Variants in SLC8A1 observed in about 807,000 individuals in gnomAD.
The protein encoded by SLC8A1 is sodium/calcium exchanger 1.
Under a neutral mutation model 68.3 loss-of-function variants are expected in SLC8A1, and 18 were observed. The ratio of observed to expected loss-of-function variants is 0.26; its 90% CI spans 0.18 to 0.39. The LOEUF (loss-of-function observed/expected upper bound fraction) is 0.39. Ranked by LOEUF, SLC8A1 falls within the 10% of genes least tolerant of loss-of-function variation. The pLI is 1.00. For synonymous variants in SLC8A1, 475 were observed against 415.5 expected (o/e 1.14, Z -1.74); for missense variants, 985 against 1,156.7 (o/e 0.85, Z 2.15).
chr2:40,371,482 C>T (rs1014091061), intron 2 of SLC8A1, among the ~76,000 whole-genome samples: 1 of 151,998 alleles, frequency 6.6e-6, no homozygotes, highest in Admixed American at 6.6e-5. Flanking sequence ...TACAATGTTA[C>T]CAAGGCTCAG....
intron 2 of SLC8A1, among the ~76,000 whole-genome samples, chr2:40,235,252 T>C (rs1034214865): frequency 8.5e-5 from 13 of 152,204 alleles, no homozygotes; most frequent in Non-Finnish European, 1.6e-4. Flanking sequence ...GTTGGTAAGC[T>C]ATTAATTATT....
chr2:40,128,865 G>T (rs2038724130), intron 7 of SLC8A1, among the ~76,000 whole-genome samples: 1 of 152,196 alleles, frequency 6.6e-6, no homozygotes, highest in Non-Finnish European at 1.5e-5. Flanking sequence ...GGTAAATTCT[G>T]ACACTATCAT....
chr2:40,145,584 C>T (rs968332768), intron 6 of SLC8A1, among the ~76,000 whole-genome samples: 1 of 152,202 alleles, frequency 6.6e-6, no homozygotes, highest in African/African-American at 2.4e-5. Flanking sequence ...AAATTCTACT[C>T]TCCTGTTACA....
intron 2 of SLC8A1, among the ~76,000 whole-genome samples, chr2:40,335,811 T>A (rs1665785187): frequency 6.6e-6 from 1 of 152,228 alleles, no homozygotes; most frequent in Non-Finnish European, 1.5e-5. Context: ...TCTGGCTCTA[T>A]GTGAATACAG....
chr2:40,174,595 ACAC>A, intron 4 of SLC8A1, 108 bp downstream of exon 6: 1 of 1,009,830 alleles, frequency 9.9e-7, no homozygotes, highest in Non-Finnish European at 1.5e-6. Context: ...CAGCAAGAGC[ACAC>A]CATGTGCCAC....
exon 8 of SLC8A1, chr2:40,112,115 TC>T (rs1174946882): frequency 3.9e-5 from 6 of 152,684 alleles, no homozygotes; most frequent in African/African-American, 1.4e-4. Context: ...TCTGTTTTTT[TC>T]TTTGGATGAT....
At chr2:40,378,343 T>C (rs1029474339) in intron 2 of SLC8A1, among the ~76,000 whole-genome samples, 1 of 151,806 alleles carries the variant, frequency 6.6e-6, no homozygotes, top group African/African-American at 2.4e-5. Context: ...TGGAAGAAAA[T>C]TGTTCCAGGC....
intron 2 of SLC8A1, among the ~76,000 whole-genome samples, chr2:40,183,584 C>A (rs2050048730): frequency 6.6e-6 from 1 of 152,192 alleles, no homozygotes; most frequent in African/African-American, 2.4e-5. Flanking sequence ...ATTGCAGAAT[C>A]ATAGGCTCCA....
At chr2:40,376,104 T>C (rs1169927452) in intron 2 of SLC8A1, among the ~76,000 whole-genome samples, 3 of 152,146 alleles carry the variant, frequency 2.0e-5, no homozygotes, top group Non-Finnish European at 4.4e-5. Context: ...AACCTAAAAT[T>C]TTCTTCTAGA....
intron 5 of SLC8A1, among the ~76,000 whole-genome samples, chr2:40,161,961 A>G (rs1178184450): frequency 6.6e-6 from 1 of 152,224 alleles, no homozygotes; most frequent in Non-Finnish European, 1.5e-5. Flanking sequence ...GCAAAATGCT[A>G]TCTAAAGGGC....
chr2:40,232,490 G>C (rs1333490870), intron 2 of SLC8A1, among the ~76,000 whole-genome samples: 1 of 151,676 alleles, frequency 6.6e-6, no homozygotes, highest in Non-Finnish European at 1.5e-5. Context: ...AAAGAGATTG[G>C]GGATTAGGGG....
exon 8 of SLC8A1, chr2:40,099,722 C>G (rs985303890): frequency 2.0e-5 from 3 of 151,962 alleles, no homozygotes; most frequent in African/African-American, 7.2e-5. Flanking sequence ...TATGGATTGA[C>G]TATTGTGCTT....
At chr2:40,387,237 T>C (rs1210376682) in intron 2 of SLC8A1, among the ~76,000 whole-genome samples, 2 of 151,472 alleles carry the variant, frequency 1.3e-5, no homozygotes, top group Non-Finnish European at 2.9e-5. Flanking sequence ...GGATATTTTG[T>C]TCCTCTTTGT....
chr2:40,410,158 G>A (rs1559563767), intron 2 of SLC8A1, among the ~76,000 whole-genome samples: 1 of 152,024 alleles, frequency 6.6e-6, no homozygotes, highest in African/African-American at 2.4e-5. Flanking sequence ...TGAAGTTTTA[G>A]ACAATAAATC....
chr2:40,219,875 AT>A (rs1162934399), intron 2 of SLC8A1, among the ~76,000 whole-genome samples: 643 of 27,742 alleles, frequency 0.023, 9 homozygotes, highest in African/African-American at 0.052. Flanking sequence ...CTACTATAGG[AT>A]TTTTTTTTTT....
At chr2:40,390,158 G>A (rs1684834204) in intron 2 of SLC8A1, among the ~76,000 whole-genome samples, 2 of 152,106 alleles carry the variant, frequency 1.3e-5, no homozygotes, top group African/African-American at 4.8e-5. Context: ...TAAAGTAAGA[G>A]CATTAGTAGA....
At chr2:40,111,982 C>A (rs2034585416) in exon 8 of SLC8A1, 1 of 152,066 alleles carries the variant, frequency 6.6e-6, no homozygotes, top group Non-Finnish European at 1.5e-5. Flanking sequence ...GGAGGAATGT[C>A]CAACATATAT....
intron 2 of SLC8A1, among the ~76,000 whole-genome samples, chr2:40,207,666 A>G (rs1481522271): frequency 6.6e-6 from 1 of 152,144 alleles, no homozygotes; most frequent in Non-Finnish European, 1.5e-5. Flanking sequence ...TATGGGCATA[A>G]TGTCCCCATA....
chr2:40,469,878 T>C (rs979114659), intron 1 of SLC8A1, among the ~76,000 whole-genome samples: 4 of 152,202 alleles, frequency 2.6e-5, no homozygotes, highest in Non-Finnish European at 5.9e-5. Flanking sequence ...TCGTTTATTA[T>C]AAACCTTCCC....
Sources: allele counts gnomAD v4.1 joint callset (sites outside exome capture counted in the v4.1 genomes callset), GRCh38; gene constraint gnomAD v4.1.1; transcripts MANE v1.5; gene names NCBI Gene and HGNC (gene_info 2026-07-23, HGNC 2026-07-21).